Variants in MYH9 observed in about 807,000 individuals in gnomAD.
MYH9 encodes the protein myosin heavy chain 9.
A neutral mutation model predicts 241.9 loss-of-function variants in MYH9; 29 were observed. The observed-to-expected ratio is 0.12, with a 90% confidence interval of 0.09 to 0.16. The LOEUF (loss-of-function observed/expected upper bound fraction) is 0.16, where lower values mean the gene tolerates loss of function less well. Ranked by LOEUF, MYH9 falls within the 10% of genes least tolerant of loss-of-function variation. The pLI, the probability that MYH9 is intolerant of heterozygous loss-of-function variation, is 1.00. For missense variants in MYH9, 1,803 were observed against 2,595.5 expected (o/e 0.69, Z 6.63); for synonymous variants, 1,047 against 1,062.6 (o/e 0.99, Z 0.29).
chr22:36,340,692 G>C (rs1247178402), intron 3 of MYH9, among the ~76,000 whole-genome samples: 7 of 151,846 alleles, frequency 4.6e-5, no homozygotes, highest in Non-Finnish European at 1.0e-4. Flanking sequence ...GAAAGGAAGT[G>C]GTAGAGACTG....
At chr22:36,298,035 C>G (rs541823465) in intron 24 of MYH9, among the ~76,000 whole-genome samples, 4 of 152,310 alleles carry the variant, frequency 2.6e-5, no homozygotes, top group African/African-American at 9.6e-5. Context: ...CCGGGCTCCT[C>G]CCAGGTGAGG....
At chr22:36,303,886 T>C in intron 19 of MYH9, 109 bp downstream of exon 19, 1 of 1,340,064 alleles carries the variant, frequency 7.5e-7, no homozygotes, top group Non-Finnish European at 1.0e-6. Context: ...TGGGCCTCCC[T>C]GACAGGCATG....
At position 36,301,489 on chromosome 22, in the gene MYH9, C is replaced by G. The variant is rs554295654; in HGVS notation, c.2631+45G>C. On this transcript the variant is annotated intron_variant, in intron 21 of 40. Coordinates refer to ENST00000216181, the MANE Select transcript of MYH9 (RefSeq NM_002473.6). ...TACCGATGGCCAGCAGGTGGCAGCACCAGGCAGGTCGTGCGACCTGGACTG... is the reference window on the plus strand; with the variant it reads ...TACCGATGGCCAGCAGGTGGCAGCAGCAGGCAGGTCGTGCGACCTGGACTG... The G allele has an allele frequency of 2.0e-5, 33 of 1,609,898 alleles. No homozygotes were observed. In the South Asian group the frequency reaches 3.6e-4, roughly 18 times the overall value.
At chr22:36,347,726 T>G (rs1180831991) in intron 2 of MYH9, among the ~76,000 whole-genome samples, 6 of 149,794 alleles carry the variant, frequency 4.0e-5, no homozygotes, top group Non-Finnish European at 7.4e-5. Context: ...CAGAGCTACT[T>G]TGGGAGGCTG....
At position 36,329,326 on chromosome 22, in the gene MYH9, G is replaced by A. The variant is rs2017385957; in HGVS notation, c.491-1838C>T. ...CAGCGAGGACAGAGATTAGAGACCTGCATCCTCGACTAGACAGACGGGAAG... is the reference window on the plus strand; with the variant it reads ...CAGCGAGGACAGAGATTAGAGACCTACATCCTCGACTAGACAGACGGGAAG... On this transcript the variant is annotated intron_variant, in intron 3 of 40. Coordinates refer to ENST00000216181, the MANE Select transcript of MYH9 (RefSeq NM_002473.6). This position sits in a 1 kb window ranked among gnomAD's most constrained non-coding sequence, Gnocchi z 4.1. Among the ~76,000 whole-genome samples the A allele has an allele frequency of 6.6e-6, 1 of 152,242 alleles. No individual in the cohort carries two copies. The highest frequency in any genetic ancestry group is 2.1e-4 in the South Asian group (1 of 4,838).
At chr22:36,351,169 C>T (rs1448500637) in intron 1 of MYH9, among the ~76,000 whole-genome samples, 3 of 152,200 alleles carry the variant, frequency 2.0e-5, no homozygotes, top group Non-Finnish European at 4.4e-5. Context: ...CCAGAAGGGG[C>T]GGTTTTCCAG....
intron 20 of MYH9, 189 bp from the exon 21 acceptor site, chr22:36,301,854 C>G (rs1482405122): frequency 1.5e-6 from 1 of 684,246 alleles, no homozygotes; most frequent in Middle Eastern, 4.0e-4. Context: ...CCGCTAACTA[C>G]ATTCCAGGGA....
intron 5 of MYH9, 122 bp downstream of exon 5, chr22:36,326,446 C>G: frequency 2.1e-6 from 2 of 971,830 alleles, no homozygotes; most frequent in Non-Finnish European, 3.3e-6. Flanking sequence ...TGGGCCCAGC[C>G]TCTGCTTCAT....
rs1276679670 is a variant in MYH9 at position 36,288,089 on chromosome 22, G to A, written c.4932+163C>T. 6.6e-6 allele frequency among the ~76,000 whole-genome samples: 1 copy of A among 152,222 alleles called. No homozygotes were observed. Among genetic ancestry groups the A allele is most frequent in the Non-Finnish European group, 1.5e-5 (1 of 68,036 alleles). On this transcript the variant is annotated intron_variant, in intron 34 of 40. Coordinates refer to ENST00000216181, the MANE Select transcript of MYH9 (RefSeq NM_002473.6). This position sits in a 1 kb window ranked among gnomAD's most constrained non-coding sequence, Gnocchi z 4.8. ...CTATCATGTTTCCACTCACCTCTGA[G>A]CCTCTGAGTCTCTGTCAGTGAGATG...
rs1294694853 is a variant in MYH9, at chr22:36,305,462, A to T, written c.2160-360T>A. ...GGGACGCTGCAGGGAGCTGCTAATA[A>T]ACAGAGATGGCCCAAGAAATAAAGG... On this transcript the variant is annotated intron_variant, in intron 17 of 40. Coordinates refer to ENST00000216181, the MANE Select transcript of MYH9 (RefSeq NM_002473.6). This position sits in a 1 kb window ranked among gnomAD's most constrained non-coding sequence, Gnocchi z 4.7. Among the ~76,000 whole-genome samples the T allele has an allele frequency of 6.6e-6, 1 of 152,152 alleles. No individual in the cohort carries two copies. The highest frequency in any genetic ancestry group is 1.5e-5 in the Non-Finnish European group (1 of 68,018).
chr22:36,312,937 C>T (rs574466794), intron 13 of MYH9, among the ~76,000 whole-genome samples: 134 of 149,862 alleles, frequency 8.9e-4, no homozygotes, highest in Middle Eastern at 3.5e-3. Context: ...GGTGAAACTC[C>T]GTCTCTACTA....
At chr22:36,298,162 G>A (rs2016817478) in intron 24 of MYH9, among the ~76,000 whole-genome samples, 1 of 152,112 alleles carries the variant, frequency 6.6e-6, no homozygotes, top group Non-Finnish European at 1.5e-5. Flanking sequence ...AACTAAGCTG[G>A]GGATAATCCT....
At chr22:36,297,534 A>G (rs2016807523) in intron 24 of MYH9, among the ~76,000 whole-genome samples, 1 of 152,180 alleles carries the variant, frequency 6.6e-6, no homozygotes, top group South Asian at 2.1e-4. Context: ...ATGAGTTACT[A>G]TCTTAAAAAG....
chr22:36,309,927 C>T (rs1294851671), intron 14 of MYH9, among the ~76,000 whole-genome samples: 1 of 152,100 alleles, frequency 6.6e-6, no homozygotes, highest in Non-Finnish European at 1.5e-5. Context: ...GAGAGACTCC[C>T]AGAAATAGAT....
At chr22:36,369,051 T>G (rs1370267206) in intron 1 of MYH9, among the ~76,000 whole-genome samples, 1 of 151,738 alleles carries the variant, frequency 6.6e-6, no homozygotes, top group Non-Finnish European at 1.5e-5. Flanking sequence ...ACTGCACAGG[T>G]CAGCACACCC....
intron 6 of MYH9, chr22:36,322,039 G>A: frequency 6.6e-6 from 4 of 602,722 alleles, no homozygotes; most frequent in Non-Finnish European, 1.2e-5. Context: ...CCATGAGCCT[G>A]AGACAAGCTG....
At chr22:36,370,526 T>C (rs754155114) in intron 1 of MYH9, among the ~76,000 whole-genome samples, 13 of 152,222 alleles carry the variant, frequency 8.5e-5, no homozygotes, top group Non-Finnish European at 1.8e-4. Flanking sequence ...AACAGTGGCA[T>C]AAGCGAAGCA....
chr22:36,328,722 T>G (rs1212069063), intron 3 of MYH9: 1 of 152,188 alleles, frequency 6.6e-6, no homozygotes, highest in Non-Finnish European at 1.5e-5. Context: ...GTCAGGGCAG[T>G]GGGAGCATCC....
rs965244295 is a variant in MYH9, at chr22:36,387,907, G to T, written c.-120C>A. ...GGTGGGGCGAGCGCACGAGGCGGGA[G>T]CTGCAGCAGGTCAGCCTTGCTTAGC... On this transcript the variant is annotated 5_prime_UTR_variant, in exon 1 of 41. Coordinates refer to ENST00000216181, the MANE Select transcript of MYH9 (RefSeq NM_002473.6). 6.6e-6 allele frequency: 1 copy of T among 152,226 alleles called. No individual in the cohort carries two copies. The highest frequency in any genetic ancestry group is 2.4e-5 in the African/African-American group (1 of 41,448). 9.4% of individuals were successfully genotyped at this position (152,226 alleles called of 1,614,324 possible).
Sources: allele counts gnomAD v4.1 joint callset (sites outside exome capture counted in the v4.1 genomes callset), GRCh38; gene constraint gnomAD v4.1.1; non-coding constraint Gnocchi (gnomAD v3.1); transcripts MANE v1.5; gene names NCBI Gene and HGNC (gene_info 2026-07-23, HGNC 2026-07-21).